The following LRRK1 variants were observed in gnomAD, a reference collection of about 807,000 sequenced individuals.
LRRK1 encodes the protein leucine-rich repeat serine/threonine-protein kinase 1.
A neutral mutation model predicts 209.1 loss-of-function variants in LRRK1; 113 were observed. The observed-to-expected ratio is 0.54, with a 90% CI of 0.46 to 0.63. LRRK1 has a LOEUF of 0.63. Ranked by LOEUF, LRRK1 falls within the 30% of genes least tolerant of loss-of-function variation. LRRK1 has a pLI of 0.00. For synonymous variants in LRRK1, 1,144 were observed against 1,099.7 expected, an observed-to-expected ratio of 1.04 and a Z score of -0.80; for missense variants, 2,284 against 2,632.2, an observed-to-expected ratio of 0.87 and a Z score of 2.89.
intron 32 of LRRK1, 144 bp downstream of exon 32, chr15:101,066,349 T>C (rs931980736): frequency 3.2e-5 from 39 of 1,201,838 alleles, no homozygotes; most frequent in Middle Eastern, 5.8e-4. Context: ...GTTTCCTCCA[T>C]TGGGAATGGA....
intron 10 of LRRK1, among the ~76,000 whole-genome samples, chr15:101,012,904 G>A (rs183399173): frequency 5.3e-5 from 8 of 152,152 alleles, no homozygotes; most frequent in Non-Finnish European, 8.8e-5. Context: ...TGCCCCCGGG[G>A]GGGGGTGGTC....
At chr15:100,944,475 T>A (rs541173421) in intron 2 of LRRK1, among the ~76,000 whole-genome samples, 1 of 152,332 alleles carries the variant, frequency 6.6e-6, no homozygotes, top group South Asian at 2.1e-4. Flanking sequence ...TTTACAAGGA[T>A]GGGTTTGTGG....
intron 20 of LRRK1, among the ~76,000 whole-genome samples, chr15:101,040,399 C>T (rs2034694562): frequency 1.3e-5 from 2 of 151,546 alleles, no homozygotes; most frequent in Non-Finnish European, 1.5e-5. Context: ...AATAATATGT[C>T]TTTTCTCTCA....
chr15:101,010,808 G>C lies in LRRK1; in HGVS notation c.1252G>C (p.Val418Leu), dbSNP rs763083060. ...SLNVSRNNLK[V>L]FPDPWACPLK... is the part of the protein sequence containing the mutation. ...GAATGTCTCCAGAAACAACCTGAAG[G>C]TGTTTCCAGATCCCTGGGCCTGCCC... The change falls in exon 9 of 34, where the codon GTG becomes CTG. Residue 418 changes from valine to leucine, a missense_variant. Transcript: ENST00000388948. 2 of 1,613,730 alleles carry C rather than the reference G, an allele frequency of 1.2e-6. No individual in the cohort carries two copies. Among genetic ancestry groups the C allele is most frequent in the South Asian group, 2.2e-5 (2 of 90,994 alleles).
intron 6 of LRRK1, among the ~76,000 whole-genome samples, chr15:101,003,915 C>T (rs1044914169): frequency 2.0e-5 from 3 of 152,128 alleles, no homozygotes; most frequent in Non-Finnish European, 4.4e-5. Context: ...GTCTGCAGCC[C>T]CAGAGCACCC....
At chr15:101,015,939 A>G (rs1170715488) in intron 12 of LRRK1, among the ~76,000 whole-genome samples, 2 of 151,048 alleles carry the variant, frequency 1.3e-5, no homozygotes, top group Non-Finnish European at 2.9e-5. Context: ...CCTTCTCTCT[A>G]TGTCCTGAGA....
chr15:100,957,145 A>G (rs7177618), intron 2 of LRRK1, among the ~76,000 whole-genome samples: 3 of 152,160 alleles, frequency 2.0e-5, no homozygotes, highest in African/African-American at 4.8e-5. Context: ...CACCATTATG[A>G]TAAGAAAAGA....
chr15:101,016,817 G>A (rs773430418), intron 12 of LRRK1, among the ~76,000 whole-genome samples: 3 of 152,172 alleles, frequency 2.0e-5, no homozygotes, highest in African/African-American at 4.8e-5. Flanking sequence ...GATCACGGCC[G>A]CCTTTGGACC....
At chr15:100,966,362 C>T (rs7178547) in intron 2 of LRRK1, among the ~76,000 whole-genome samples, 71,475 of 151,916 alleles carry the variant, frequency 0.47, 18,868 homozygotes, top group South Asian at 0.62. Flanking sequence ...AATTTTTTTT[C>T]AGTGAGAATG....
At chr15:101,007,514 G>T (rs546116198) in intron 6 of LRRK1, among the ~76,000 whole-genome samples, 6 of 152,220 alleles carry the variant, frequency 3.9e-5, no homozygotes, top group Non-Finnish European at 8.8e-5. Flanking sequence ...AGTGAGAAAT[G>T]AGTGGAGCAA....
At chr15:100,949,302 C>A (rs1027562724) in intron 2 of LRRK1, among the ~76,000 whole-genome samples, 2 of 152,102 alleles carry the variant, frequency 1.3e-5, no homozygotes, top group Non-Finnish European at 2.9e-5. Context: ...TAGAAAGACA[C>A]AAACTATCCA....
chr15:101,035,844 T>C (rs181869523), intron 20 of LRRK1, among the ~76,000 whole-genome samples: 3 of 152,184 alleles, frequency 2.0e-5, no homozygotes, highest in African/African-American at 7.2e-5. Context: ...TTTTATACTT[T>C]TGTGTGTTTT....
intron 2 of LRRK1, among the ~76,000 whole-genome samples, chr15:100,935,896 C>T (rs2042290833): frequency 6.6e-6 from 1 of 152,224 alleles, no homozygotes; most frequent in African/African-American, 2.4e-5. Context: ...TTCTCATCCA[C>T]CGCATGTCTA....
At position 101,022,033 on chromosome 15, in the gene LRRK1, G is replaced by A; in HGVS notation, c.1852+76G>A. The A allele has an allele frequency of 9.4e-7, 1 of 1,060,536 alleles. No homozygotes were observed. Among genetic ancestry groups the A allele is most frequent in the Non-Finnish European group, 1.4e-6 (1 of 712,938 alleles). The allele number at this position is 1,060,536 out of a possible 1,614,324, so 65.7% of individuals were successfully genotyped here. A position where few individuals can be genotyped will look rare whatever the true frequency, so the allele number is the denominator to read the frequency against. On this transcript the variant is annotated intron_variant, in intron 14 of 33. Transcript: ENST00000388948. The surrounding 1 kb of genome is among the most constrained non-coding windows in gnomAD (Gnocchi z 4.0). ...TCCAGTCCACTTGTTAAGTTCTGGG[G>A]GTGGAGACAGTTGGTGACCCATGGA...
chr15:101,030,377 C>T (rs2034228375), intron 20 of LRRK1, among the ~76,000 whole-genome samples: 1 of 152,162 alleles, frequency 6.6e-6, no homozygotes, highest in African/African-American at 2.4e-5. Flanking sequence ...CCTTGGTCCT[C>T]CATGCAGCTT....
intron 2 of LRRK1, among the ~76,000 whole-genome samples, chr15:100,963,980 A>G (rs1022936012): frequency 5.9e-5 from 9 of 152,184 alleles, no homozygotes; most frequent in African/African-American, 2.2e-4. Context: ...TATATGTATA[A>G]CCATCCATCT....
At chr15:100,981,886 T>A (rs887132784) in intron 3 of LRRK1, among the ~76,000 whole-genome samples, 5 of 152,206 alleles carry the variant, frequency 3.3e-5, no homozygotes, top group African/African-American at 1.2e-4. Flanking sequence ...CCAAACACAC[T>A]TGTGTTATAA....
At chr15:101,013,278 A>G (rs111503861) in intron 10 of LRRK1, among the ~76,000 whole-genome samples, 23,488 of 152,222 alleles carry the variant, frequency 0.15, 2,100 homozygotes, top group East Asian at 0.32. Context: ...AGCCCCTTCA[A>G]CAAGGAAGGA....
At chr15:100,981,030 C>T (rs2031565757) in intron 3 of LRRK1, among the ~76,000 whole-genome samples, 1 of 152,214 alleles carries the variant, frequency 6.6e-6, no homozygotes, top group Non-Finnish European at 1.5e-5. Context: ...CCTGTGAGTA[C>T]TATAAATAAA....
Sources: gnomAD v4.1 joint callset for allele counts (sites outside exome capture counted in the v4.1 genomes callset) on GRCh38, gnomAD v4.1.1 for gene constraint, Gnocchi (gnomAD v3.1) non-coding constraint, MANE v1.5 for transcripts, NCBI Gene and HGNC (gene_info 2026-07-23, HGNC 2026-07-21) for gene names.